UNC5D: variants seen among roughly 807,000 people sequenced by gnomAD.
UNC5D encodes the protein unc-5 netrin receptor D.
In UNC5D, 39 loss-of-function variants were observed where a neutral mutation model predicts 105.4. The ratio of observed to expected loss-of-function variants is 0.37; its 90% CI spans 0.29 to 0.48. The LOEUF is 0.48. Among genes scored for constraint, UNC5D ranks in the 20% least tolerant of loss-of-function variants. The pLI is 0.98. For synonymous variants in UNC5D, 452 were observed against 450.4 expected (o/e 1.00, Z -0.04); for missense variants, 991 against 1,202.4 (o/e 0.82, Z 2.60).
At chr8:35,302,543 G>A (rs961354748) in intron 1 of UNC5D, among the ~76,000 whole-genome samples, 1 of 152,288 alleles carries the variant, frequency 6.6e-6, no homozygotes, top group African/African-American at 2.4e-5. Context: ...GGTTGTGCAC[G>A]CAAGTGCACA....
At position 35,525,753 on chromosome 8, in the gene UNC5D, G is replaced by A. The variant is rs973789344; in HGVS notation, c.104-23539G>A. On this transcript the variant is annotated intron_variant, in intron 1 of 16. Transcript: ENST00000404895. ...CCCAACGCTGAAGTACTCGCCCGGAGGAGCCGCCATCTTGGGAGTGCCGTA... is the reference window on the plus strand; with the variant it reads ...CCCAACGCTGAAGTACTCGCCCGGAAGAGCCGCCATCTTGGGAGTGCCGTA... The A allele has an allele frequency of 1.0e-5, 16 of 1,559,608 alleles. No homozygotes were observed. In the African/African-American group the frequency reaches 2.1e-4, roughly 20 times the overall value.
intron 3 of UNC5D, among the ~76,000 whole-genome samples, chr8:35,579,644 T>C (rs1818339996): frequency 6.6e-6 from 1 of 152,158 alleles, no homozygotes; most frequent in Non-Finnish European, 1.5e-5. Context: ...GTGACCTATG[T>C]GGGAAAGCAA....
At chr8:35,336,257 G>A (rs1811029992) in intron 1 of UNC5D, among the ~76,000 whole-genome samples, 2 of 152,118 alleles carry the variant, frequency 1.3e-5, no homozygotes, top group Admixed American at 6.5e-5. Flanking sequence ...GCTAAAACCA[G>A]TTTCTTTATT....
At position 35,386,345 on chromosome 8, in the gene UNC5D, C is replaced by T. The variant is rs550991394; in HGVS notation, c.103+150458C>T. Among the ~76,000 whole-genome samples the T allele has an allele frequency of 7.9e-5, 12 of 152,176 alleles. 1 individual carries two copies. In the South Asian group the frequency reaches 2.5e-3, roughly 32 times the overall value. ...TTTCTTTCTATAGACATGTACACAC[C>T]CCACTCAATTTAAATAGGAAAATCA... is the stretch of plus-strand genomic sequence containing the variant. On this transcript the variant is annotated intron_variant, in intron 1 of 16. Transcript: ENST00000404895.
intron 1 of UNC5D, chr8:35,525,083 T>G: frequency 7.9e-7 from 1 of 1,268,756 alleles, no homozygotes; most frequent in Non-Finnish European, 1.1e-6. Context: ...ACAGGACATA[T>G]AGGATCCCTT....
Position 35,790,509 on chromosome 8 carries a change from A to G in UNC5D, c.2808A>G (p.Ser936=), listed in dbSNP as rs1266344915. ...GRTHTKLSNI[S]ESQLDEADFN... ...CACACACGAAACTCTCAAACATTTC[A>G]GAATCCCAGCTTGATGAAGCCGACT... is the stretch of plus-strand genomic sequence containing the variant. Residue 936 remains serine (S), a synonymous_variant, in exon 17 of 17, where the codon TCA becomes TCG. Coordinates refer to ENST00000404895, the MANE Select transcript of UNC5D (RefSeq NM_080872.4). 1.2e-6 allele frequency: 2 copies of G among 1,613,854 alleles called. No individual in the cohort carries two copies. The highest frequency in any genetic ancestry group is 1.3e-5 in the African/African-American group (1 of 74,938).
intron 8 of UNC5D, 110 bp from the exon 9 acceptor site, chr8:35,722,100 T>C: frequency 1.6e-6 from 2 of 1,222,674 alleles, no homozygotes; most frequent in East Asian, 2.3e-5. Context: ...TCTGTCATTG[T>C]CTCTGAGCAG....
chr8:35,480,396 G>A (rs1327417676), intron 1 of UNC5D, among the ~76,000 whole-genome samples: 1 of 152,188 alleles, frequency 6.6e-6, no homozygotes, highest in Non-Finnish European at 1.5e-5. Context: ...AGAGTTGTCA[G>A]TGAGACTAAG....
At chr8:35,321,783 G>A (rs1207420520) in intron 1 of UNC5D, among the ~76,000 whole-genome samples, 4 of 152,104 alleles carry the variant, frequency 2.6e-5, no homozygotes, top group Non-Finnish European at 4.4e-5. Flanking sequence ...GGATCACTAC[G>A]GTTTCATGTT....
rs34886215 is a variant in UNC5D at position 35,393,125 on chromosome 8, C to CTTTTT, written c.104-156144_104-156140dup. On this transcript the variant is annotated intron_variant, in intron 1 of 16. Coordinates refer to ENST00000404895, the MANE Select transcript of UNC5D (RefSeq NM_080872.4). ...CTAAATATCTAAATACCTATTCCTACTTTTTTTTTTTTTTTTTTTTTTTTT... is the reference window on the plus strand; with the variant it reads ...CTAAATATCTAAATACCTATTCCTACTTTTTTTTTTTTTTTTTTTTTTTTTTTTTT... Among the ~76,000 whole-genome samples the CTTTTT allele has an allele frequency of 2.7e-4, 20 of 75,068 alleles. 1 individual carries two copies. Among genetic ancestry groups the CTTTTT allele is most frequent in the Admixed American group, 5.4e-4 (3 of 5,598 alleles). 49.2% of individuals were successfully genotyped at this position (75,068 alleles called of 152,430 possible). A position where few individuals can be genotyped will look rare whatever the true frequency, so the allele number is the denominator to read the frequency against.
At chr8:35,718,418 AAG>A (rs999256317) in intron 8 of UNC5D, among the ~76,000 whole-genome samples, 3 of 152,172 alleles carry the variant, frequency 2.0e-5, no homozygotes, top group African/African-American at 4.8e-5. Context: ...TGTAAATGAA[AAG>A]AGAGTCCTGG....
chr8:35,408,469 A>G (rs1804950748), intron 1 of UNC5D, among the ~76,000 whole-genome samples: 2 of 150,328 alleles, frequency 1.3e-5, no homozygotes, highest in South Asian at 4.2e-4. Flanking sequence ...TTCTGTGTGT[A>G]CCATTTTGTC....
At chr8:35,690,574 G>A (rs1377716345) in intron 7 of UNC5D, among the ~76,000 whole-genome samples, 3 of 152,202 alleles carry the variant, frequency 2.0e-5, no homozygotes, top group Non-Finnish European at 4.4e-5. Flanking sequence ...AGCCATGATC[G>A]TGCTATTGCA....
chr8:35,730,869 C>T lies in UNC5D; in HGVS notation c.1682-143C>T, dbSNP rs79816854. On this transcript the variant is annotated intron_variant, in intron 10 of 16. Transcript: ENST00000404895. Reference sequence around the variant, plus strand: ...ATGTTTTTCCTGTTATAATCTTGAACCTTAAACTTTCCAAGGATTGAGATT... The same window carrying T: ...ATGTTTTTCCTGTTATAATCTTGAATCTTAAACTTTCCAAGGATTGAGATT... 1,196 of 664,954 alleles carry T rather than the reference C, an allele frequency of 1.8e-3. 11 individuals carry two copies. In the African/African-American group the frequency reaches 0.02, roughly 11 times the overall value. 41.2% of individuals were successfully genotyped at this position (664,954 alleles called of 1,614,324 possible). A position where few individuals can be genotyped will look rare whatever the true frequency, so the allele number is the denominator to read the frequency against.
intron 4 of UNC5D, among the ~76,000 whole-genome samples, chr8:35,666,351 G>A (rs1017691506): frequency 1.3e-5 from 2 of 151,572 alleles, no homozygotes; most frequent in East Asian, 2.0e-4. Flanking sequence ...CTTCCAAAGC[G>A]ATATTAATAG....
intron 1 of UNC5D, among the ~76,000 whole-genome samples, chr8:35,431,280 T>C (rs1042885622): frequency 1.3e-5 from 2 of 152,186 alleles, no homozygotes; most frequent in Non-Finnish European, 2.9e-5. Context: ...ACTCAGTTAT[T>C]CATTCAGTTT....
intron 3 of UNC5D, among the ~76,000 whole-genome samples, chr8:35,573,441 C>T (rs1470544869): frequency 6.6e-6 from 1 of 151,712 alleles, no homozygotes; most frequent in Non-Finnish European, 1.5e-5. Context: ...GGGCACACAG[C>T]AAGAACCCAT....
intron 1 of UNC5D, among the ~76,000 whole-genome samples, chr8:35,249,179 G>C (rs1022205603): frequency 2.1e-5 from 3 of 141,026 alleles, no homozygotes; most frequent in Non-Finnish European, 4.5e-5. Flanking sequence ...TTTGAAGACA[G>C]CTTTCCATGT....
intron 1 of UNC5D, among the ~76,000 whole-genome samples, chr8:35,454,997 C>T (rs1459151215): frequency 6.6e-6 from 1 of 152,036 alleles, no homozygotes; most frequent in Non-Finnish European, 1.5e-5. Context: ...TGTTGAGCAC[C>T]TTCATAATAA....
Sources: allele counts gnomAD v4.1 joint callset (sites outside exome capture counted in the v4.1 genomes callset), GRCh38; gene constraint gnomAD v4.1.1; transcripts MANE v1.5; gene names NCBI Gene and HGNC (gene_info 2026-07-23, HGNC 2026-07-21).